The following DOCK2 variants were observed in gnomAD, a reference collection of about 807,000 sequenced individuals.
DOCK2 encodes dedicator of cytokinesis protein 2.
A neutral mutation model predicts 248.9 loss-of-function variants in DOCK2; 87 were observed. That is an observed-to-expected ratio of 0.35 (90% CI 0.29 to 0.42). DOCK2 has a LOEUF of 0.42. Among genes scored for constraint, DOCK2 ranks in the 10% least tolerant of loss-of-function variants. The pLI, the probability that DOCK2 is intolerant of heterozygous loss-of-function variation, is 1.00. For missense variants in DOCK2, 1,747 were observed against 2,300.2 expected, an observed-to-expected ratio of 0.76 and a Z score of 4.92; for synonymous variants, 805 against 821.6, an observed-to-expected ratio of 0.98 and a Z score of 0.35.
intron 25 of DOCK2, among the ~76,000 whole-genome samples, chr5:169,799,491 C>G (rs1217387747): frequency 6.6e-6 from 1 of 152,124 alleles, no homozygotes; most frequent in East Asian, 1.9e-4. Context: ...CTCTAGCAAA[C>G]AAAAGATTGC....
chr5:169,658,764 G>A (rs1758274220), intron 2 of DOCK2, among the ~76,000 whole-genome samples: 1 of 151,292 alleles, frequency 6.6e-6, no homozygotes, highest in South Asian at 2.1e-4. Flanking sequence ...CAGTCTTTAA[G>A]TTGGGCATGA....
chr5:169,789,330 C>G (rs908893327), intron 25 of DOCK2, among the ~76,000 whole-genome samples: 1 of 152,174 alleles, frequency 6.6e-6, no homozygotes, highest in African/African-American at 2.4e-5. Flanking sequence ...GTGCATGTGT[C>G]TTTATAATAG....
At chr5:169,874,185 A>T (rs1345602031) in intron 27 of DOCK2, among the ~76,000 whole-genome samples, 1 of 152,044 alleles carries the variant, frequency 6.6e-6, no homozygotes, top group Non-Finnish European at 1.5e-5. Context: ...GGCCAAGGTC[A>T]GTGGATCACT....
chr5:169,896,622 C>G (rs1474976520), intron 27 of DOCK2, among the ~76,000 whole-genome samples: 1 of 152,148 alleles, frequency 6.6e-6, no homozygotes, highest in East Asian at 1.9e-4. Flanking sequence ...ACTTTGGCTC[C>G]TATTATGATT....
chr5:169,983,813 G>T (rs1012359461), intron 28 of DOCK2, among the ~76,000 whole-genome samples: 3 of 152,188 alleles, frequency 2.0e-5, no homozygotes, highest in Non-Finnish European at 4.4e-5. Flanking sequence ...GAGACCAGGA[G>T]CACCAAAATT....
intron 27 of DOCK2, among the ~76,000 whole-genome samples, chr5:169,853,129 A>G (rs116816678): frequency 0.013 from 1,944 of 152,352 alleles, 15 homozygotes; most frequent in Non-Finnish European, 0.02. Flanking sequence ...GTTTCCCTGC[A>G]CAAGTGCTCT....
intron 22 of DOCK2, among the ~76,000 whole-genome samples, chr5:169,744,644 T>C (rs1022346233): frequency 9.2e-5 from 14 of 151,556 alleles, no homozygotes; most frequent in East Asian, 3.9e-4. Context: ...CACAGAGAAG[T>C]TGGGAACCAG....
intron 22 of DOCK2, among the ~76,000 whole-genome samples, chr5:169,743,399 C>A (rs1221997017): frequency 6.6e-6 from 1 of 152,200 alleles, no homozygotes; most frequent in East Asian, 1.9e-4. Flanking sequence ...TATTGAGACC[C>A]TGTATCTTAC....
intron 25 of DOCK2, among the ~76,000 whole-genome samples, chr5:169,770,927 T>C (rs1439151138): frequency 1.3e-5 from 2 of 152,220 alleles, no homozygotes; most frequent in African/African-American, 2.4e-5. Flanking sequence ...TTCTTGTACA[T>C]GTCTCTTGTT....
intron 1 of DOCK2, among the ~76,000 whole-genome samples, chr5:169,645,884 A>C (rs1757429731): frequency 6.6e-6 from 1 of 151,902 alleles, no homozygotes; most frequent in African/African-American, 2.4e-5. Flanking sequence ...AGTAGCTGGG[A>C]CTACACAGGA....
intron 27 of DOCK2, among the ~76,000 whole-genome samples, chr5:169,967,764 G>A (rs1777356085): frequency 6.6e-6 from 1 of 152,156 alleles, no homozygotes; most frequent in African/African-American, 2.4e-5. Context: ...TGATGGTAGC[G>A]TCAATCAGTG....
chr5:170,015,618 C>T (rs556480994), intron 32 of DOCK2, among the ~76,000 whole-genome samples: 11 of 151,950 alleles, frequency 7.2e-5, no homozygotes, highest in Non-Finnish European at 1.3e-4. Context: ...ATTTCAAAGT[C>T]CCCCGGAGGC....
intron 2 of DOCK2, among the ~76,000 whole-genome samples, chr5:169,663,745 A>G (rs949150547): frequency 1.6e-4 from 24 of 152,202 alleles, no homozygotes; most frequent in African/African-American, 5.8e-4. Context: ...CTGAGGCTGC[A>G]CAGCAACAGG....
intron 27 of DOCK2, among the ~76,000 whole-genome samples, chr5:169,879,920 G>A (rs1021746438): frequency 1.2e-4 from 18 of 152,078 alleles, no homozygotes; most frequent in African/African-American, 4.3e-4. Context: ...ATCTGGCTCC[G>A]GAAAAGAAGA....
chr5:169,717,108 C>T (rs1027637874), intron 20 of DOCK2, among the ~76,000 whole-genome samples: 1 of 151,946 alleles, frequency 6.6e-6, no homozygotes, highest in Non-Finnish European at 1.5e-5. Context: ...ATTAAAGATT[C>T]TAAAAAGTTT....
chr5:169,742,412 A>C (rs1054045944), intron 22 of DOCK2, among the ~76,000 whole-genome samples: 2 of 152,234 alleles, frequency 1.3e-5, no homozygotes, highest in Non-Finnish European at 2.9e-5. Flanking sequence ...TACCTTAGCC[A>C]AGGTCACCCA....
rs184021980 is a variant in DOCK2 at position 169,689,464 on chromosome 5, A to C, written c.843+131A>C. 1.1e-5 allele frequency: 10 copies of C among 891,262 alleles called. No homozygotes were observed. In the African/African-American group the frequency reaches 1.5e-4, roughly 13 times the overall value. 55.2% of individuals were successfully genotyped at this position (891,262 alleles called of 1,614,324 possible). A position where few individuals can be genotyped will look rare whatever the true frequency, so the allele number is the denominator to read the frequency against. On this transcript the variant is annotated intron_variant, in intron 9 of 51. Coordinates refer to ENST00000520908, the MANE Select transcript of DOCK2 (RefSeq NM_004946.3). ...AGCTGTGTTGTGGGCTCCAAGCAGA[A>C]ATCCAAAGCTGACAAAGGACATTGT... is the stretch of plus-strand genomic sequence containing the variant.
intron 51 of DOCK2, 134 bp from the exon 52 acceptor site, chr5:170,082,662 A>C: frequency 8.8e-7 from 1 of 1,135,586 alleles, no homozygotes; most frequent in Non-Finnish European, 1.3e-6. Flanking sequence ...AGCCAAGGGC[A>C]TAGCAGCTCA....
At chr5:169,752,331 T>C (rs1179277761) in intron 23 of DOCK2, among the ~76,000 whole-genome samples, 4 of 152,186 alleles carry the variant, frequency 2.6e-5, no homozygotes, top group African/African-American at 9.7e-5. Context: ...CTTATGCTAA[T>C]GAAGCCCCTG....
Sources: gnomAD v4.1 joint callset for allele counts (sites outside exome capture counted in the v4.1 genomes callset) on GRCh38, gnomAD v4.1.1 for gene constraint, MANE v1.5 for transcripts, NCBI Gene and HGNC (gene_info 2026-07-23, HGNC 2026-07-21) for gene names.